Variants in SUMF1 observed in about 807,000 individuals in gnomAD.
SUMF1 encodes sulfatase modifying factor 1.
Under a neutral mutation model 47.6 loss-of-function variants are expected in SUMF1, and 48 were observed. The ratio of observed to expected loss-of-function variants is 1.01; its 90% confidence interval spans 0.80 to 1.28. The LOEUF is 1.28. Among genes scored for constraint, SUMF1 ranks in the 50% most tolerant of loss-of-function variants. SUMF1 has a pLI of 0.00. For missense variants in SUMF1, 571 were observed against 485.4 expected, an observed-to-expected ratio of 1.18 and a Z score of -1.66; for synonymous variants, 230 against 192.1, an observed-to-expected ratio of 1.20 and a Z score of -1.63.
At chr3:4,362,313 C>A in intron 8 of SUMF1, 59 bp from the exon 9 acceptor site, 7 of 1,406,210 alleles carry the variant, frequency 5.0e-6, no homozygotes, top group Non-Finnish European at 7.0e-6. Flanking sequence ...AAGGCTCTAA[C>A]CCATCAGATG....
intron 8 of SUMF1, among the ~76,000 whole-genome samples, chr3:4,137,018 T>C (rs1693949594): frequency 6.6e-6 from 1 of 152,106 alleles, no homozygotes; most frequent in African/African-American, 2.4e-5. Context: ...TTTTACACTG[T>C]TGGTGGGACT....
chr3:4,116,196 G>A (rs1693420320), intron 8 of SUMF1, among the ~76,000 whole-genome samples: 1 of 152,112 alleles, frequency 6.6e-6, no homozygotes, highest in Non-Finnish European at 1.5e-5. Flanking sequence ...CACACAGAAA[G>A]TTAACGTAGA....
rs1317753921 is a variant in SUMF1 at position 4,154,509 on chromosome 3, G to C, written c.1015-85764C>G. On this transcript the variant is annotated intron_variant and NMD_transcript_variant, in intron 8 of 12. Transcript: ENST00000448413. Reference sequence around the variant, plus strand: ...ATCCTTGCCACAAACCTACAAGCTGGGGACTATTATCTCTGTTTTATAGAT... The same window carrying C: ...ATCCTTGCCACAAACCTACAAGCTGCGGACTATTATCTCTGTTTTATAGAT... Among the ~76,000 whole-genome samples, 9 of 151,540 alleles carry C rather than the reference G, an allele frequency of 5.9e-5. No homozygotes were observed. In the East Asian group the frequency reaches 1.7e-3, roughly 29 times the overall value.
chr3:4,165,236 T>A (rs1182343589), intron 8 of SUMF1, among the ~76,000 whole-genome samples: 1 of 152,174 alleles, frequency 6.6e-6, no homozygotes, highest in East Asian at 1.9e-4. Flanking sequence ...TCTCTCCAAG[T>A]GAAGTCGAAG....
At chr3:4,208,163 G>T (rs896251951) in intron 8 of SUMF1, among the ~76,000 whole-genome samples, 1 of 151,968 alleles carries the variant, frequency 6.6e-6, no homozygotes, top group South Asian at 2.1e-4. Context: ...GCCTACTTCA[G>T]AAAAAGGAAA....
intron 8 of SUMF1, among the ~76,000 whole-genome samples, chr3:4,092,509 T>C (rs557367785): frequency 6.6e-6 from 1 of 152,184 alleles, no homozygotes; most frequent in Non-Finnish European, 1.5e-5. Context: ...TCTCTCTTTG[T>C]TGAAAGTAGT....
At chr3:4,296,451 G>A (rs547729035) in intron 8 of SUMF1, among the ~76,000 whole-genome samples, 1 of 129,294 alleles carries the variant, frequency 7.7e-6, no homozygotes, top group Admixed American at 7.6e-5. Context: ...AGGAAAAGAG[G>A]TTTAATGGAC....
intron 8 of SUMF1, among the ~76,000 whole-genome samples, chr3:4,263,895 TATTTA>T (rs1697136736): frequency 6.6e-6 from 1 of 152,198 alleles, no homozygotes; most frequent in South Asian, 2.1e-4. Context: ...TATTTTATTT[TATTTA>T]TTGTTTCATT....
intron 1 of SUMF1, among the ~76,000 whole-genome samples, chr3:4,462,313 G>A (rs1207665018): frequency 6.6e-6 from 1 of 152,126 alleles, no homozygotes; most frequent in Non-Finnish European, 1.5e-5. Flanking sequence ...GAGCTACCAG[G>A]AAAGAACTTT....
At chr3:4,137,632 C>G (rs1375682844) in intron 8 of SUMF1, among the ~76,000 whole-genome samples, 1 of 151,846 alleles carries the variant, frequency 6.6e-6, no homozygotes, top group Non-Finnish European at 1.5e-5. Context: ...TAAAAACAAA[C>G]AAACAAACAA....
At chr3:4,296,541 G>A (rs1190337352) in intron 8 of SUMF1, among the ~76,000 whole-genome samples, 3 of 152,152 alleles carry the variant, frequency 2.0e-5, no homozygotes, top group African/African-American at 7.2e-5. Context: ...TTACCTGGCA[G>A]CAGGCAAGAT....
intron 8 of SUMF1, among the ~76,000 whole-genome samples, chr3:4,247,353 C>T (rs1468183108): frequency 6.6e-6 from 1 of 152,188 alleles, no homozygotes; most frequent in Non-Finnish European, 1.5e-5. Context: ...TTCAATTCAA[C>T]TCTGTGCTAC....
At chr3:4,159,308 T>G (rs1342590998) in intron 8 of SUMF1, among the ~76,000 whole-genome samples, 1 of 150,592 alleles carries the variant, frequency 6.6e-6, no homozygotes, top group Non-Finnish European at 1.5e-5. Flanking sequence ...CCATTGCATG[T>G]TTTTTTTATT....
At chr3:4,327,390 A>G (rs1208689782) in intron 8 of SUMF1, among the ~76,000 whole-genome samples, 1 of 152,210 alleles carries the variant, frequency 6.6e-6, no homozygotes, top group Non-Finnish European at 1.5e-5. Context: ...ATTTCCCAAA[A>G]AAAGCAAGTT....
chr3:4,163,389 AGGG>A (rs1559525330), intron 8 of SUMF1, among the ~76,000 whole-genome samples: 1 of 7,514 alleles, frequency 1.3e-4, no homozygotes, highest in African/African-American at 4.0e-4. Context: ...GAAGGGAGGG[AGGG>A]AGGGAGGGAG....
chr3:4,122,883 T>C (rs1693576279), intron 8 of SUMF1, among the ~76,000 whole-genome samples: 1 of 152,170 alleles, frequency 6.6e-6, no homozygotes, highest in Non-Finnish European at 1.5e-5. Flanking sequence ...GGGCACTGTG[T>C]GGCTGACGTT....
At chr3:4,142,304 C>T (rs1214839119) in intron 8 of SUMF1, among the ~76,000 whole-genome samples, 2 of 152,096 alleles carry the variant, frequency 1.3e-5, no homozygotes, top group African/African-American at 4.8e-5. Context: ...TTGACAATTC[C>T]ATCACATGTC....
intron 3 of SUMF1, among the ~76,000 whole-genome samples, chr3:4,420,910 A>G (rs1374089222): frequency 6.6e-6 from 1 of 152,202 alleles, no homozygotes; most frequent in Non-Finnish European, 1.5e-5. Context: ...TTCAACTTCC[A>G]ACCCAACATT....
chr3:4,210,683 G>A (rs987154763), intron 8 of SUMF1, among the ~76,000 whole-genome samples: 1 of 152,056 alleles, frequency 6.6e-6, no homozygotes, highest in Non-Finnish European at 1.5e-5. Flanking sequence ...TGTAACATGG[G>A]CATTTATTAT....
Sources: gnomAD v4.1 joint callset for allele counts (sites outside exome capture counted in the v4.1 genomes callset) on GRCh38, gnomAD v4.1.1 for gene constraint, MANE v1.5 for transcripts, NCBI Gene and HGNC (gene_info 2026-07-23, HGNC 2026-07-21) for gene names.